BICD1: variants seen among roughly 807,000 people sequenced by gnomAD.
BICD1 encodes BICD cargo adaptor 1.
Under a neutral mutation model 92.5 loss-of-function variants are expected in BICD1, and 35 were observed. The ratio of observed to expected loss-of-function variants is 0.38; its 90% CI spans 0.29 to 0.50. BICD1 has a LOEUF of 0.50. BICD1 is among the 20% of genes least tolerant of loss of function. The pLI, the probability that BICD1 is intolerant of heterozygous loss-of-function variation, is 0.93. For synonymous variants in BICD1, 429 were observed against 465.1 expected (o/e 0.92, Z 1.00); for missense variants, 950 against 1,189.8 (o/e 0.80, Z 2.97).
chr12:32,108,732 CT>C, intron 1 of BICD1: 2 of 652,186 alleles, frequency 3.1e-6, no homozygotes, highest in Non-Finnish European at 5.6e-6. Context: ...TTAGATATGT[CT>C]TATTTTTATT....
At chr12:32,355,624 A>G (rs1025556028) in intron 8 of BICD1, among the ~76,000 whole-genome samples, 1 of 152,112 alleles carries the variant, frequency 6.6e-6, no homozygotes, top group African/African-American at 2.4e-5. Flanking sequence ...CAACACGGTG[A>G]AACTCTGTCT....
chr12:32,237,637 A>G (rs2136073802), intron 2 of BICD1, among the ~76,000 whole-genome samples: 1 of 152,316 alleles, frequency 6.6e-6, no homozygotes, highest in East Asian at 1.9e-4. Context: ...GAATGATACT[A>G]AATGTACTCT....
intron 2 of BICD1, among the ~76,000 whole-genome samples, chr12:32,244,556 G>T (rs1398551819): frequency 2.0e-5 from 3 of 151,894 alleles, no homozygotes; most frequent in African/African-American, 7.3e-5. Context: ...TACACAAGGG[G>T]CATAGCCCAA....
At position 32,382,997 on chromosome 12, in the gene BICD1, A is replaced by C. The variant is rs531881013; in HGVS notation, c.*5370A>C. Reference sequence around the variant, plus strand: ...GTTTGACTATGAGAGTCAAACAATTACTATTTGAAAATCTCTTATGACATT... The same window carrying C: ...GTTTGACTATGAGAGTCAAACAATTCCTATTTGAAAATCTCTTATGACATT... On this transcript the variant is annotated 3_prime_UTR_variant, in exon 10 of 10. Coordinates refer to ENST00000652176, the MANE Select transcript of BICD1 (RefSeq NM_001714.4). 1 of 151,888 alleles carries C rather than the reference A, an allele frequency of 6.6e-6. No individual in the cohort carries two copies. Among genetic ancestry groups the C allele is most frequent in the Admixed American group, 6.6e-5 (1 of 15,248 alleles). The allele number at this position is 151,888 out of a possible 1,614,324, so 9.4% of individuals were successfully genotyped here. A position where few individuals can be genotyped will look rare whatever the true frequency, so the allele number is the denominator to read the frequency against.
intron 2 of BICD1, among the ~76,000 whole-genome samples, chr12:32,262,094 A>G (rs1267562452): frequency 2.0e-5 from 3 of 152,378 alleles, no homozygotes; most frequent in African/African-American, 7.2e-5. Context: ...TGCTTGTTAT[A>G]TGCTTTATGT....
chr12:32,340,419 A>T, intron 8 of BICD1: 2 of 985,436 alleles, frequency 2.0e-6, no homozygotes, highest in African/African-American at 3.5e-5. Context: ...AGTGGTAATG[A>T]TTTATCAGGA....
At chr12:32,130,572 C>T (rs991024181) in intron 1 of BICD1, among the ~76,000 whole-genome samples, 18 of 152,216 alleles carry the variant, frequency 1.2e-4, no homozygotes, top group African/African-American at 4.1e-4. Flanking sequence ...ACTTTGAGAA[C>T]GTGGATTGGC....
At chr12:32,372,232 C>A (rs1201889829) in intron 9 of BICD1, among the ~76,000 whole-genome samples, 1 of 152,214 alleles carries the variant, frequency 6.6e-6, no homozygotes, top group Non-Finnish European at 1.5e-5. Context: ...GTAATCCCAG[C>A]ACTTTGGGAG....
At chr12:32,187,942 G>A (rs961535579) in intron 1 of BICD1, among the ~76,000 whole-genome samples, 1 of 121,738 alleles carries the variant, frequency 8.2e-6, no homozygotes, top group African/African-American at 3.0e-5. Flanking sequence ...TACTATAAAT[G>A]CATTTTTTTT....
In BICD1 at chr12:32,382,048, T is replaced by C. The variant is rs1352696420; in HGVS notation, c.*4421T>C. The C allele has an allele frequency of 6.6e-6, 1 of 152,100 alleles. No individual in the cohort carries two copies. The highest frequency in any genetic ancestry group is 1.5e-5 in the Non-Finnish European group (1 of 67,958). 9.4% of individuals were successfully genotyped at this position (152,100 alleles called of 1,614,324 possible). On this transcript the variant is annotated 3_prime_UTR_variant, in exon 10 of 10. Coordinates refer to ENST00000652176, the MANE Select transcript of BICD1 (RefSeq NM_001714.4). ...CTTCTATGGAACTACAAGATCAATC[T>C]AGCTCCCGAGTGACATTTTCCATTG...
At chr12:32,228,650 A>G (rs1239588382) in intron 2 of BICD1, among the ~76,000 whole-genome samples, 2 of 152,198 alleles carry the variant, frequency 1.3e-5, no homozygotes, top group Non-Finnish European at 2.9e-5. Context: ...AAGTAGTCAT[A>G]TTCTGAATAA....
At chr12:32,191,804 A>C (rs916448364) in intron 1 of BICD1, among the ~76,000 whole-genome samples, 1 of 151,792 alleles carries the variant, frequency 6.6e-6, no homozygotes, top group Non-Finnish European at 1.5e-5. Flanking sequence ...AAGAAGGTGA[A>C]TTTAATCAAT....
rs886690272 is a variant in BICD1 at position 32,339,923 on chromosome 12, C to A, written c.2764+944C>A. ...TGGCAGCCCTAGGTCTGCGTTCACGCATGTCAACACCTGTTGGAGCTCTGT... is the reference window on the plus strand; with the variant it reads ...TGGCAGCCCTAGGTCTGCGTTCACGAATGTCAACACCTGTTGGAGCTCTGT... On this transcript the variant is annotated intron_variant, in intron 8 of 9. Coordinates refer to ENST00000652176, the MANE Select transcript of BICD1 (RefSeq NM_001714.4). The A allele has an allele frequency of 5.9e-5, 50 of 847,098 alleles. No individual in the cohort carries two copies. In the African/African-American group the frequency reaches 9.2e-4, roughly 16 times the overall value. The allele number at this position is 847,098 out of a possible 1,614,324, so 52.5% of individuals were successfully genotyped here.
intron 9 of BICD1, among the ~76,000 whole-genome samples, chr12:32,372,957 G>T (rs932022322): frequency 6.6e-6 from 1 of 152,114 alleles, no homozygotes; most frequent in African/African-American, 2.4e-5. Flanking sequence ...TATCAAAATT[G>T]TTTATAGATA....
At chr12:32,370,460 G>A (rs1248188253) in intron 9 of BICD1, among the ~76,000 whole-genome samples, 7 of 110,032 alleles carry the variant, frequency 6.4e-5, no homozygotes, top group African/African-American at 2.2e-4. Context: ...AATTTGTAGC[G>A]GTTAAGAACA....
At chr12:32,377,054 A>G (rs1940000572) in intron 9 of BICD1, among the ~76,000 whole-genome samples, 1 of 152,184 alleles carries the variant, frequency 6.6e-6, no homozygotes, top group African/African-American at 2.4e-5. Flanking sequence ...TGTCAGTACC[A>G]TCAGCATCAC....
At chr12:32,149,303 A>G (rs1450307432) in intron 1 of BICD1, among the ~76,000 whole-genome samples, 1 of 152,232 alleles carries the variant, frequency 6.6e-6, no homozygotes, top group East Asian at 1.9e-4. Flanking sequence ...ACTATGAATG[A>G]TAGCATTAAT....
Position 32,270,120 on chromosome 12 carries a change from A to T in BICD1, c.427-23874A>T, listed in dbSNP as rs796502658. Among the ~76,000 whole-genome samples, 41 of 30,740 alleles carry T rather than the reference A, an allele frequency of 1.3e-3. 2 individuals carry two copies. The highest frequency in any genetic ancestry group is 4.6e-3 in the African/African-American group (39 of 8,462). 20.2% of individuals were successfully genotyped at this position (30,740 alleles called of 152,430 possible). A position where few individuals can be genotyped will look rare whatever the true frequency, so the allele number is the denominator to read the frequency against. On this transcript the variant is annotated intron_variant, in intron 2 of 9. Coordinates refer to ENST00000652176, the MANE Select transcript of BICD1 (RefSeq NM_001714.4). ...TGAGCGACAAAGCCAGACTCCCTCT[A>T]AAAAAAAAAAAAAAAATTATTATTA...
intron 1 of BICD1, among the ~76,000 whole-genome samples, chr12:32,161,813 A>G (rs1381739121): frequency 6.6e-6 from 1 of 152,214 alleles, no homozygotes; most frequent in Non-Finnish European, 1.5e-5. Context: ...TGCCATGTCT[A>G]TCACCTGGCA....
Sources: allele counts gnomAD v4.1 joint callset (sites outside exome capture counted in the v4.1 genomes callset), GRCh38; gene constraint gnomAD v4.1.1; transcripts MANE v1.5; gene names NCBI Gene and HGNC (gene_info 2026-07-23, HGNC 2026-07-21).